The following CSMD2 variants were observed in gnomAD, a reference collection of about 807,000 sequenced individuals.
CSMD2 encodes the protein CUB and Sushi multiple domains 2.
In CSMD2, 130 loss-of-function variants were observed where a neutral mutation model predicts 398.5. The ratio of observed to expected loss-of-function variants is 0.33; its 90% CI spans 0.28 to 0.38. The LOEUF is 0.38. CSMD2 is among the 10% of genes least tolerant of loss of function. CSMD2 has a pLI of 1.00. For missense variants in CSMD2, 3,829 were observed against 4,764.9 expected (o/e 0.80, Z 5.78); for synonymous variants, 1,828 against 1,908.5 (o/e 0.96, Z 1.10).
chr1:34,164,836 G>C lies in CSMD2; in HGVS notation c.187+75C>G. 1 of 1,179,284 alleles carries C rather than the reference G, an allele frequency of 8.5e-7. No homozygotes were observed. Among genetic ancestry groups the C allele is most frequent in the Non-Finnish European group, 1.1e-6 (1 of 946,606 alleles). The allele number at this position is 1,179,284 out of a possible 1,614,324, so 73.1% of individuals were successfully genotyped here. The stretch of plus-strand genomic sequence containing the variant: ...GAGGCGGGGGGAGGGACTGGGACCG[G>C]GTCGAGGATGGGTGGGCTCGGGGCT... On this transcript the variant is annotated intron_variant, in intron 1 of 70. Coordinates refer to ENST00000373381, the MANE Select transcript of CSMD2 (RefSeq NM_001281956.2). This position sits in a 1 kb window ranked among gnomAD's most constrained non-coding sequence, Gnocchi z 6.2.
intron 29 of CSMD2, among the ~76,000 whole-genome samples, chr1:33,644,249 C>A (rs114870227): frequency 1.3e-5 from 2 of 152,134 alleles, no homozygotes; most frequent in African/African-American, 4.8e-5. Flanking sequence ...GTATGGCTCT[C>A]GGACCATGAA....
chr1:34,110,952 C>T (rs1267989977), intron 1 of CSMD2, among the ~76,000 whole-genome samples: 8 of 152,142 alleles, frequency 5.3e-5, no homozygotes, highest in African/African-American at 7.2e-5. Flanking sequence ...CTACTTCCAT[C>T]GCTGGCACCT....
chr1:33,943,934 A>G (rs938451429), intron 3 of CSMD2, among the ~76,000 whole-genome samples: 5 of 134,290 alleles, frequency 3.7e-5, no homozygotes, highest in Non-Finnish European at 8.3e-5. Context: ...TTACACACAC[A>G]CACACACACA....
At chr1:33,542,094 A>G (rs915162423) in intron 58 of CSMD2, among the ~76,000 whole-genome samples, 3 of 152,244 alleles carry the variant, frequency 2.0e-5, no homozygotes, top group African/African-American at 7.2e-5. Flanking sequence ...TCGAAATCAC[A>G]GACTAGGACT....
chr1:33,578,676 G>A (rs2148717959), intron 48 of CSMD2, among the ~76,000 whole-genome samples: 2 of 152,298 alleles, frequency 1.3e-5, no homozygotes, highest in African/African-American at 4.8e-5. Context: ...GTTCTGTGAG[G>A]CCAGGAAAGA....
At chr1:33,847,686 CCTTAAGATAA>C (rs1274848410) in intron 5 of CSMD2, among the ~76,000 whole-genome samples, 1 of 152,202 alleles carries the variant, frequency 6.6e-6, no homozygotes, top group East Asian at 1.9e-4. Flanking sequence ...TGTGTGGTTT[CCTTAAGATAA>C]CTCCTCAAAG....
rs554227604 is a variant in CSMD2 at position 33,644,850 on chromosome 1, T to C, written c.4774+1798A>G. Among the ~76,000 whole-genome samples, 16 of 152,240 alleles carry C rather than the reference T, an allele frequency of 1.1e-4. No individual in the cohort carries two copies. In the East Asian group the frequency reaches 2.9e-3, roughly 28 times the overall value. ...GTTTGGGCCCAGGAGGTTTACCAAA[T>C]GGCAGGTGCCTGGAGGAAGAAAGGA... is the stretch of plus-strand genomic sequence containing the variant. On this transcript the variant is annotated intron_variant, in intron 29 of 70. Coordinates refer to ENST00000373381, the MANE Select transcript of CSMD2 (RefSeq NM_001281956.2).
At chr1:34,114,167 CCT>C (rs1661372688) in intron 1 of CSMD2, among the ~76,000 whole-genome samples, 1 of 152,102 alleles carries the variant, frequency 6.6e-6, no homozygotes, top group South Asian at 2.1e-4. Flanking sequence ...ACCCAGTAAA[CCT>C]CTTTAATTAA....
chr1:34,117,855 C>G (rs898129511), intron 1 of CSMD2, among the ~76,000 whole-genome samples: 6 of 152,050 alleles, frequency 3.9e-5, no homozygotes, highest in Non-Finnish European at 7.4e-5. Flanking sequence ...CCATGTTAAC[C>G]ACATGATCAT....
At chr1:33,715,511 TGA>T (rs1646136810) in intron 20 of CSMD2, among the ~76,000 whole-genome samples, 1 of 152,116 alleles carries the variant, frequency 6.6e-6, no homozygotes, top group South Asian at 2.1e-4. Context: ...TCATAAGGGT[TGA>T]GTCTCACTGG....
chr1:33,538,703 G>C (rs928282518), intron 60 of CSMD2, among the ~76,000 whole-genome samples: 2 of 152,218 alleles, frequency 1.3e-5, no homozygotes. Flanking sequence ...AGAGCAACCA[G>C]CGTGGCCTTT....
Position 33,919,254 on chromosome 1 carries a change from G to C in CSMD2, c.713-953C>G, listed in dbSNP as rs1039807778. Among the ~76,000 whole-genome samples the C allele has an allele frequency of 3.3e-5, 5 of 152,182 alleles. No individual in the cohort carries two copies. The East Asian group carries it at 5.8e-4, about 18-fold the overall frequency. ...GGTATAAGCATCTGGATGGATGAAA[G>C]GTGCTATTTCCTGAGGCAGAAAACC... On this transcript the variant is annotated intron_variant, in intron 4 of 70. Transcript: ENST00000373381.
chr1:34,147,529 G>C (rs1024159500), intron 1 of CSMD2, among the ~76,000 whole-genome samples: 1 of 152,112 alleles, frequency 6.6e-6, no homozygotes, highest in African/African-American at 2.4e-5. Context: ...CACCTCCCCC[G>C]GAGTGAGGAG....
chr1:33,934,109 T>C (rs1198757510), intron 4 of CSMD2, among the ~76,000 whole-genome samples: 4 of 152,010 alleles, frequency 2.6e-5, no homozygotes, highest in African/African-American at 9.7e-5. Context: ...GAAGAAGGAG[T>C]TGCTTATCCC....
intron 22 of CSMD2, among the ~76,000 whole-genome samples, 199 bp from the exon 23 acceptor site, chr1:33,700,872 G>T (rs139163153): frequency 8.3e-4 from 127 of 152,332 alleles, no homozygotes; most frequent in Admixed American, 1.4e-3. Context: ...CTTGATGTCA[G>T]TTCTATGCTC....
At chr1:34,084,285 A>T (rs1235114555) in intron 2 of CSMD2, among the ~76,000 whole-genome samples, 3 of 152,200 alleles carry the variant, frequency 2.0e-5, no homozygotes, top group Non-Finnish European at 4.4e-5. Flanking sequence ...AGGCCAGACC[A>T]GTCTCTGCTG....
At chr1:33,658,184 C>A (rs1644013046) in intron 26 of CSMD2, 47 bp from the exon 27 acceptor site, 4 of 1,540,784 alleles carry the variant, frequency 2.6e-6, no homozygotes, top group Non-Finnish European at 1.8e-6. Flanking sequence ...TGGGTGTCTG[C>A]CACTCAGGAG....
chr1:33,540,736 T>C, intron 59 of CSMD2, 38 bp from the exon 60 acceptor site: 16 of 1,610,062 alleles, frequency 9.9e-6, no homozygotes, highest in Non-Finnish European at 1.3e-5. Flanking sequence ...TCTGATGCTG[T>C]CCTGGGAAAC....
At chr1:34,159,716 T>C (rs1303155144) in intron 1 of CSMD2, among the ~76,000 whole-genome samples, 1 of 152,186 alleles carries the variant, frequency 6.6e-6, no homozygotes, top group Non-Finnish European at 1.5e-5. Context: ...TACATCCAAG[T>C]GCTTAAGACA....
Sources: gnomAD v4.1 joint callset for allele counts (sites outside exome capture counted in the v4.1 genomes callset) on GRCh38, gnomAD v4.1.1 for gene constraint, Gnocchi (gnomAD v3.1) non-coding constraint, MANE v1.5 for transcripts, NCBI Gene and HGNC (gene_info 2026-07-23, HGNC 2026-07-21) for gene names.